CREB5: variants seen among roughly 807,000 people sequenced by gnomAD.
The protein encoded by CREB5 is cyclic AMP-responsive element-binding protein 5.
A neutral mutation model predicts 57.1 loss-of-function variants in CREB5; 19 were observed. The observed-to-expected ratio is 0.33, with a 90% confidence interval of 0.23 to 0.49. The LOEUF (loss-of-function observed/expected upper bound fraction) is 0.49, where lower values mean the gene tolerates loss of function less well. Among genes scored for constraint, CREB5 ranks in the 20% least tolerant of loss-of-function variants. CREB5 has a pLI of 0.99. For missense variants in CREB5, 579 were observed against 671.6 expected (o/e 0.86, Z 1.52); for synonymous variants, 238 against 238.3 (o/e 1.00, Z 0.01).
chr7:28,684,285 G>A (rs191589700), intron 5 of CREB5, among the ~76,000 whole-genome samples: 1 of 152,180 alleles, frequency 6.6e-6, no homozygotes, highest in Non-Finnish European at 1.5e-5. Context: ...CAGGCCACAG[G>A]CTTCAGTGGC....
At position 28,766,363 on chromosome 7, in the gene CREB5, G is replaced by A. The variant is rs190781252; in HGVS notation, c.703-37836G>A. 3.8e-3 allele frequency among the ~76,000 whole-genome samples: 575 copies of A among 152,226 alleles called. 5 individuals are homozygous for A. Among genetic ancestry groups the A allele is most frequent in the African/African-American group, 0.013 (537 of 41,536 alleles). On this transcript the variant is annotated intron_variant, in intron 7 of 10. Coordinates refer to ENST00000357727, the MANE Select transcript of CREB5 (RefSeq NM_182898.4). ...CCTCCCCGCCCCAACTCCACTAGCC[G>A]TGAGCCCTTGGGTGTAAACTCAGTC...
chr7:28,303,297 G>T (rs1785132187), intron 1 of CREB5, among the ~76,000 whole-genome samples: 1 of 152,236 alleles, frequency 6.6e-6, no homozygotes, highest in African/African-American at 2.4e-5. Context: ...TTTGAGGCCA[G>T]TTGAAAATTT....
chr7:28,704,697 T>G (rs1802021215), intron 5 of CREB5, among the ~76,000 whole-genome samples: 1 of 152,046 alleles, frequency 6.6e-6, no homozygotes, highest in African/African-American at 2.4e-5. Flanking sequence ...GATCAAGAGA[T>G]CCTCCCGCCT....
At chr7:28,655,995 T>C (rs533348098) in intron 5 of CREB5, among the ~76,000 whole-genome samples, 42 of 152,286 alleles carry the variant, frequency 2.8e-4, no homozygotes, top group African/African-American at 9.9e-4. Context: ...AAGCCAACAG[T>C]TCATTAACAA....
At chr7:28,645,046 T>C (rs1400427231) in intron 5 of CREB5, among the ~76,000 whole-genome samples, 1 of 152,170 alleles carries the variant, frequency 6.6e-6, no homozygotes, top group Non-Finnish European at 1.5e-5. Flanking sequence ...AAGATAGGAA[T>C]GTCCAGATCA....
At chr7:28,409,101 G>C (rs1787658907), upstream of CREB5, among the ~76,000 whole-genome samples, 1 of 151,890 alleles carries the variant, frequency 6.6e-6, no homozygotes, top group Non-Finnish European at 1.5e-5. This position sits in a 1 kb window ranked among gnomAD's most constrained non-coding sequence, Gnocchi z 4.4. Context: ...AGGGAGCCGT[G>C]TCACACGGCG....
At chr7:28,798,832 T>C (rs776297004) in intron 7 of CREB5, among the ~76,000 whole-genome samples, 1 of 152,242 alleles carries the variant, frequency 6.6e-6, no homozygotes, top group Non-Finnish European at 1.5e-5. Context: ...CTGAAAAATA[T>C]ATGTTTATTT....
chr7:28,455,440 G>C (rs1790051075), intron 1 of CREB5, among the ~76,000 whole-genome samples: 1 of 152,242 alleles, frequency 6.6e-6, no homozygotes. Context: ...ATAGAAGGCA[G>C]AAAGGGCACT....
At chr7:28,673,020 C>A (rs1252734326) in intron 5 of CREB5, among the ~76,000 whole-genome samples, 1 of 152,178 alleles carries the variant, frequency 6.6e-6, no homozygotes, top group Non-Finnish European at 1.5e-5. Flanking sequence ...ACCTCTACTG[C>A]CCTTTTCTAA....
At chr7:28,359,363 C>A (rs1037803400) in intron 1 of CREB5, among the ~76,000 whole-genome samples, 2 of 152,124 alleles carry the variant, frequency 1.3e-5, no homozygotes, top group Non-Finnish European at 2.9e-5. Flanking sequence ...CCTATAAGAG[C>A]GTTGTCAGAG....
At chr7:28,416,968 G>T (rs1235149389) in intron 1 of CREB5, among the ~76,000 whole-genome samples, 1 of 152,122 alleles carries the variant, frequency 6.6e-6, no homozygotes, top group Non-Finnish European at 1.5e-5. Flanking sequence ...AAAACAAAAG[G>T]GGGGAAGAAG....
intron 5 of CREB5, among the ~76,000 whole-genome samples, chr7:28,622,004 G>A (rs1383353012): frequency 6.6e-6 from 1 of 152,082 alleles, no homozygotes; most frequent in African/African-American, 2.4e-5. Context: ...AGTCTCAGGT[G>A]GATTCTACTT....
At chr7:28,406,109 T>A (rs1219989752) in intron 1 of CREB5, among the ~76,000 whole-genome samples, 1 of 152,198 alleles carries the variant, frequency 6.6e-6, no homozygotes, top group African/African-American at 2.4e-5. Context: ...TGCTAATGTT[T>A]GCCGAATGTT....
intron 1 of CREB5, among the ~76,000 whole-genome samples, chr7:28,357,630 G>A (rs10281162): frequency 0.052 from 7,900 of 152,104 alleles, 679 homozygotes; most frequent in African/African-American, 0.18. Flanking sequence ...TTATCTCTCT[G>A]CTTTAGAGAT....
intron 1 of CREB5, among the ~76,000 whole-genome samples, chr7:28,317,194 G>A (rs1054336608): frequency 6.6e-6 from 1 of 152,066 alleles, no homozygotes; most frequent in Non-Finnish European, 1.5e-5. Context: ...GTTGCATGGT[G>A]TAAACTGACA....
rs75940137 is a variant in CREB5 at position 28,384,417 on chromosome 7, G to A, written c.-25+84976G>A. Among the ~76,000 whole-genome samples, 13 of 152,128 alleles carry A rather than the reference G, an allele frequency of 8.5e-5. No homozygotes were observed. The East Asian group carries it at 2.1e-3, about 25-fold the overall frequency. On this transcript the variant is annotated intron_variant, in intron 1 of 9. Coordinates refer to the CREB5 transcript ENST00000396299. ...CTGTAACAATTACCACAGATTTAGT[G>A]GCTTAACATGACTTTGCCTATCCCA...
At chr7:28,560,857 T>TGCGC (rs199933711) in intron 4 of CREB5, among the ~76,000 whole-genome samples, 4 of 51,016 alleles carry the variant, frequency 7.8e-5, no homozygotes, top group Non-Finnish European at 1.8e-4. Context: ...CGTGTGTGTG[T>TGCGC]GCGTGTGCCT....
intron 1 of CREB5, among the ~76,000 whole-genome samples, chr7:28,418,637 A>G (rs1042666123): frequency 6.6e-6 from 1 of 152,210 alleles, no homozygotes; most frequent in African/African-American, 2.4e-5. Context: ...ATGTTTTTCT[A>G]CATTTTGTGG....
At chr7:28,475,532 T>C (rs1791034960) in intron 1 of CREB5, among the ~76,000 whole-genome samples, 1 of 152,004 alleles carries the variant, frequency 6.6e-6, no homozygotes, top group African/African-American at 2.4e-5. Flanking sequence ...TAAGAAAATG[T>C]AGTGTACTAA....
Sources: gnomAD v4.1 joint callset for allele counts (sites outside exome capture counted in the v4.1 genomes callset) on GRCh38, gnomAD v4.1.1 for gene constraint, Gnocchi (gnomAD v3.1) non-coding constraint, MANE v1.5 for transcripts, NCBI Gene and HGNC (gene_info 2026-07-23, HGNC 2026-07-21) for gene names.